The following FILIP1 variants were observed in gnomAD, a reference collection of about 807,000 sequenced individuals.
The protein encoded by FILIP1 is filamin-A-interacting protein 1.
FILIP1 carries 61 observed loss-of-function variants against 102.1 expected under a neutral mutation model. That is an observed-to-expected ratio of 0.60 (90% confidence interval 0.49 to 0.74). The LOEUF (loss-of-function observed/expected upper bound fraction) is 0.74, where lower values mean the gene tolerates loss of function less well. Among genes scored for constraint, FILIP1 ranks in the 30% least tolerant of loss-of-function variants. FILIP1 has a pLI of 0.00. For missense variants in FILIP1, 1,314 were observed against 1,441.2 expected (o/e 0.91, Z 1.43); for synonymous variants, 491 against 526.9 (o/e 0.93, Z 0.93).
At chr6:75,436,932 C>T (rs966715230) in intron 1 of FILIP1, among the ~76,000 whole-genome samples, 11 of 152,188 alleles carry the variant, frequency 7.2e-5, no homozygotes, top group South Asian at 2.1e-4. Flanking sequence ...CATTACTGAA[C>T]GCAGAGTTGA....
At chr6:75,448,170 G>T (rs1778501644) in intron 1 of FILIP1, among the ~76,000 whole-genome samples, 1 of 151,996 alleles carries the variant, frequency 6.6e-6, no homozygotes. Flanking sequence ...TAACCTGGGT[G>T]GTAAACACAC....
intron 1 of FILIP1, among the ~76,000 whole-genome samples, chr6:75,439,192 C>T (rs921057722): frequency 6.6e-6 from 1 of 152,104 alleles, no homozygotes; most frequent in Non-Finnish European, 1.5e-5. Flanking sequence ...CGGTGAAACC[C>T]CATCTCTACT....
intron 1 of FILIP1, among the ~76,000 whole-genome samples, chr6:75,477,598 T>C (rs2703706): frequency 0.036 from 5,459 of 151,254 alleles, 340 homozygotes; most frequent in African/African-American, 0.12. Flanking sequence ...CCTAAAAAAA[T>C]AGAGAGAAAG....
chr6:75,400,882 G>T (rs1395513226), intron 2 of FILIP1, among the ~76,000 whole-genome samples: 6 of 152,118 alleles, frequency 3.9e-5, no homozygotes, highest in Non-Finnish European at 7.4e-5. Flanking sequence ...GAAAGAAGTT[G>T]AGAAGATCTC....
At chr6:75,336,324 T>C (rs1774241066) in intron 4 of FILIP1, among the ~76,000 whole-genome samples, 1 of 152,104 alleles carries the variant, frequency 6.6e-6, no homozygotes, top group African/African-American at 2.4e-5. Context: ...GGGATATGGG[T>C]TTTAACTTAC....
chr6:75,471,178 A>AGG (rs1562646855), intron 1 of FILIP1, among the ~76,000 whole-genome samples: 1 of 146,034 alleles, frequency 6.8e-6, no homozygotes, highest in East Asian at 2.0e-4. Context: ...AAAAAAAAAA[A>AGG]AAAAAGAAAA....
intron 2 of FILIP1, among the ~76,000 whole-genome samples, chr6:75,368,487 G>A (rs1274619367): frequency 6.6e-6 from 1 of 152,174 alleles, no homozygotes. Context: ...TTCAAGTCTG[G>A]AGAGATATAA....
In FILIP1 at chr6:75,433,956, C is replaced by T. The variant is rs562724886; in HGVS notation, c.-6-18978G>A. On this transcript the variant is annotated intron_variant, in intron 1 of 5. Coordinates refer to ENST00000237172, the MANE Select transcript of FILIP1 (RefSeq NM_015687.5). Reference sequence around the variant, plus strand: ...TTTATTAAATAGGGAATCCTTTCCCCATTTCTTGTTTTTGTCAGGTTTGTC... The same window carrying T: ...TTTATTAAATAGGGAATCCTTTCCCTATTTCTTGTTTTTGTCAGGTTTGTC... Among the ~76,000 whole-genome samples the T allele has an allele frequency of 5.2e-3, 798 of 152,294 alleles. 6 individuals are homozygous for T. Among genetic ancestry groups the T allele is most frequent in the African/African-American group, 0.019 (772 of 41,562 alleles).
At chr6:75,435,298 T>A (rs1159607292) in intron 1 of FILIP1, among the ~76,000 whole-genome samples, 1 of 152,234 alleles carries the variant, frequency 6.6e-6, no homozygotes, top group Non-Finnish European at 1.5e-5. Context: ...AATTATATCA[T>A]AGGTACAATA....
At position 75,312,949 on chromosome 6, in the gene FILIP1, C is replaced by T. The variant is rs1427768290; in HGVS notation, c.2883G>A (p.Met961Ile). 1.2e-6 allele frequency: 2 copies of T among 1,614,046 alleles called. No homozygotes were observed. The highest frequency in any genetic ancestry group is 1.7e-6 in the Non-Finnish European group (2 of 1,180,002). The change falls in exon 5 of 6, where the codon ATG (methionine) becomes ATA (isoleucine). Residue 961 changes from methionine to isoleucine, a missense_variant. This residue lies in a region of FILIP1 where 816 missense variants were observed against 913.1 expected (regional missense o/e 0.89). Coordinates refer to ENST00000237172, the MANE Select transcript of FILIP1 (RefSeq NM_015687.5). ...TATCTCCACTTTTTTGTTTTTGAGG[C>T]ATAACGTTTGGTGATGGAATAATGG... Reference protein sequence around the residue: ...RITIIPSPNVMPQKQKSGDTT... With the variant: ...RITIIPSPNVIPQKQKSGDTT...
intron 4 of FILIP1, among the ~76,000 whole-genome samples, chr6:75,317,560 G>A (rs1383206744): frequency 6.6e-6 from 1 of 152,062 alleles, no homozygotes; most frequent in Non-Finnish European, 1.5e-5. Context: ...TAAAACTTGG[G>A]GCACTAATGT....
At chr6:75,486,769 T>C (rs528090993) in intron 1 of FILIP1, among the ~76,000 whole-genome samples, 48 of 152,256 alleles carry the variant, frequency 3.2e-4, no homozygotes, top group African/African-American at 1.1e-3. Flanking sequence ...CCATGTAAAA[T>C]GCTTGGCACA....
intron 2 of FILIP1, among the ~76,000 whole-genome samples, chr6:75,365,346 T>C (rs1232831711): frequency 2.9e-5 from 3 of 104,664 alleles, no homozygotes; most frequent in Non-Finnish European, 6.4e-5. Flanking sequence ...GCTGGTTTTT[T>C]TGTTTGTTTG....
chr6:75,309,543 T>G (rs1773108731), intron 5 of FILIP1, among the ~76,000 whole-genome samples: 1 of 152,168 alleles, frequency 6.6e-6, no homozygotes, highest in African/African-American at 2.4e-5. Flanking sequence ...ACCCTGAGAA[T>G]TGCCTTAGTT....
rs76445892 is a variant in FILIP1 at position 75,297,298 on chromosome 6, T to C, written c.3494-1348A>G. Among the ~76,000 whole-genome samples, 1,109 of 152,328 alleles carry C rather than the reference T, an allele frequency of 7.3e-3. 35 individuals are homozygous for C. In the East Asian group the frequency reaches 0.11, roughly 15 times the overall value. On this transcript the variant is annotated intron_variant, in intron 6 of 6. Coordinates refer to the FILIP1 transcript ENST00000393004. Reference sequence around the variant, plus strand: ...ATTATGCCATAGACTTATAGGTTCATAGTAATTACACACAGTGCATGATTA... The same window carrying C: ...ATTATGCCATAGACTTATAGGTTCACAGTAATTACACACAGTGCATGATTA...
At chr6:75,434,050 C>G (rs1264911785) in intron 1 of FILIP1, among the ~76,000 whole-genome samples, 1 of 152,124 alleles carries the variant, frequency 6.6e-6, no homozygotes, top group Non-Finnish European at 1.5e-5. Flanking sequence ...TGGTCTCTAT[C>G]TCTGTTTTGG....
chr6:75,370,478 T>C (rs1775477939), intron 2 of FILIP1, among the ~76,000 whole-genome samples: 1 of 152,120 alleles, frequency 6.6e-6, no homozygotes, highest in South Asian at 2.1e-4. Context: ...CCTTAACTAC[T>C]TAGCCTTGTT....
At chr6:75,332,841 C>G (rs954901755) in intron 4 of FILIP1, among the ~76,000 whole-genome samples, 1 of 152,168 alleles carries the variant, frequency 6.6e-6, no homozygotes, top group Non-Finnish European at 1.5e-5. Context: ...ATGAGGTTTT[C>G]TGAGACTAGT....
In FILIP1 at chr6:75,312,945, G is replaced by A; in HGVS notation, c.2887C>T (p.Gln963Ter). 6.2e-7 allele frequency: 1 copy of A among 1,612,896 alleles called. No individual in the cohort carries two copies. The highest frequency in any genetic ancestry group is 8.5e-7 in the Non-Finnish European group (1 of 1,179,740). Residue 963 changes from glutamine to a stop codon, truncating the protein, a stop_gained, in exon 5 of 6, where the codon CAA becomes TAA. Transcript: ENST00000237172. LOFTEE classifies it high-confidence loss of function. ...TIIPSPNVMP[Q>*]KQKSGDTTLG... ...GTAGTATCTCCACTTTTTTGTTTTT[G>A]AGGCATAACGTTTGGTGATGGAATA... is the stretch of plus-strand genomic sequence containing the variant.
Sources: gnomAD v4.1 joint callset for allele counts (sites outside exome capture counted in the v4.1 genomes callset) on GRCh38, gnomAD v4.1.1 for gene constraint, gnomAD v4.1.1 regional missense constraint, MANE v1.5 for transcripts, NCBI Gene and HGNC (gene_info 2026-07-23, HGNC 2026-07-21) for gene names.